DDX31: variants seen among roughly 807,000 people sequenced by gnomAD.
DDX31 encodes the protein ATP-dependent DNA helicase DDX31.
In DDX31, 70 loss-of-function variants were observed where a neutral mutation model predicts 91.3. The observed-to-expected ratio is 0.77, with a 90% CI of 0.63 to 0.94. The LOEUF (loss-of-function observed/expected upper bound fraction) is 0.94, where lower values mean the gene tolerates loss of function less well. Ranked by LOEUF, DDX31 falls within the 40% of genes least tolerant of loss-of-function variation. DDX31 has a pLI of 0.00. For synonymous variants in DDX31, 362 were observed against 350.6 expected (o/e 1.03, Z -0.36); for missense variants, 902 against 925.0 (o/e 0.98, Z 0.32).
intron 5 of DDX31, 148 bp downstream of exon 5, chr9:132,659,562 A>G (rs1564337434): frequency 4.5e-6 from 3 of 669,322 alleles, no homozygotes; most frequent in Non-Finnish European, 7.8e-6. Context: ...ATGTGAACAC[A>G]TTCAGGGCTC....
At chr9:132,626,788 T>C (rs1451338092) in intron 16 of DDX31, among the ~76,000 whole-genome samples, 2 of 152,084 alleles carry the variant, frequency 1.3e-5, no homozygotes, top group African/African-American at 2.4e-5. Flanking sequence ...TTACCTGAAA[T>C]GTGTCATCTC....
At chr9:132,596,447 A>G (rs1172143558) in intron 19 of DDX31, among the ~76,000 whole-genome samples, 4 of 152,240 alleles carry the variant, frequency 2.6e-5, no homozygotes, top group Non-Finnish European at 4.4e-5. Context: ...CAATGAACAG[A>G]TAACATTTAA....
At chr9:132,596,404 C>T (rs545002120) in intron 19 of DDX31, among the ~76,000 whole-genome samples, 5 of 152,290 alleles carry the variant, frequency 3.3e-5, no homozygotes, top group Non-Finnish European at 5.9e-5. Context: ...TCAAGCCAAC[C>T]TCTGCAGGAA....
At chr9:132,608,307 G>C (rs991645403) in intron 19 of DDX31, among the ~76,000 whole-genome samples, 1 of 152,198 alleles carries the variant, frequency 6.6e-6, no homozygotes, top group South Asian at 2.1e-4. Flanking sequence ...ATTTCTATGT[G>C]TAGGGGAAGA....
intron 19 of DDX31, among the ~76,000 whole-genome samples, chr9:132,606,414 G>A (rs988738543): frequency 3.2e-4 from 48 of 152,298 alleles, no homozygotes; most frequent in African/African-American, 8.4e-4. Context: ...TGTTTCCAAG[G>A]TTGTTCCTGA....
intron 6 of DDX31, among the ~76,000 whole-genome samples, chr9:132,656,653 C>A (rs1355002150): frequency 6.6e-6 from 1 of 152,126 alleles, no homozygotes; most frequent in African/African-American, 2.4e-5. Context: ...GCACAGCTGC[C>A]CACCACACCA....
At chr9:132,620,782 TGA>T (rs1394923902) in intron 17 of DDX31, among the ~76,000 whole-genome samples, 1 of 152,154 alleles carries the variant, frequency 6.6e-6, no homozygotes, top group Non-Finnish European at 1.5e-5. Context: ...GCTCCTATAA[TGA>T]GAGCGGGTCA....
At chr9:132,640,627 G>A (rs1490238765) in intron 14 of DDX31, among the ~76,000 whole-genome samples, 1 of 152,142 alleles carries the variant, frequency 6.6e-6, no homozygotes, top group African/African-American at 2.4e-5. Flanking sequence ...CTCCTGAGTA[G>A]TTGGAACTAT....
chr9:132,621,923 T>C (rs1230134318), intron 17 of DDX31, among the ~76,000 whole-genome samples: 1 of 151,150 alleles, frequency 6.6e-6, no homozygotes, highest in Non-Finnish European at 1.5e-5. Flanking sequence ...ACCTACAACG[T>C]AGGATGGTTA....
chr9:132,618,029 A>G (rs144290657), intron 18 of DDX31, among the ~76,000 whole-genome samples: 4 of 152,352 alleles, frequency 2.6e-5, no homozygotes, highest in African/African-American at 9.6e-5. Flanking sequence ...GTTTTCAAAG[A>G]AAGAGGAAAA....
At chr9:132,663,008 A>G (rs1835078803) in intron 1 of DDX31, among the ~76,000 whole-genome samples, 1 of 152,214 alleles carries the variant, frequency 6.6e-6, no homozygotes, top group Non-Finnish European at 1.5e-5. Context: ...AATGTTAACT[A>G]ATGGAGTCTG....
At chr9:132,657,105 C>G (rs1413851828) in intron 6 of DDX31, among the ~76,000 whole-genome samples, 1 of 152,124 alleles carries the variant, frequency 6.6e-6, no homozygotes, top group Non-Finnish European at 1.5e-5. Flanking sequence ...GTAACCTGCC[C>G]TTTTTCAAGT....
chr9:132,624,668 G>A (rs757263536), intron 17 of DDX31, among the ~76,000 whole-genome samples: 6 of 152,012 alleles, frequency 3.9e-5, no homozygotes, highest in East Asian at 1.9e-4. Flanking sequence ...CCAACTTCTC[G>A]GATTGCTATA....
At chr9:132,663,343 C>T in intron 1 of DDX31, 4 of 1,286,618 alleles carry the variant, frequency 3.1e-6, no homozygotes, top group Non-Finnish European at 4.1e-6. Flanking sequence ...GCTGCTCCAT[C>T]CATCACCTCT....
chr9:132,665,831 T>C (rs1361244686), intron 1 of DDX31, among the ~76,000 whole-genome samples: 1 of 152,214 alleles, frequency 6.6e-6, no homozygotes, highest in Non-Finnish European at 1.5e-5. Context: ...GGTACTGTTA[T>C]CATCTCATTT....
rs1311078237 is a variant in DDX31, at chr9:132,669,881, A to G, written c.54T>C (p.Arg18=). The part of the protein sequence containing the change: ...LFDNPRTFSR[R]PPAQASRQAK... ...TCACCCGACTCGCCTGGGCTGGGGG[A>G]CGTCTGGAGAACGTCCTGGGGTTGT... is the stretch of plus-strand genomic sequence containing the variant. The change falls in exon 1 of 20, where the codon CGT becomes CGC. Residue 18 remains arginine (R), a synonymous_variant. Transcript: ENST00000372159. 6.3e-7 allele frequency: 1 copy of G among 1,592,832 alleles called. No homozygotes were observed. Among genetic ancestry groups the G allele is most frequent in the Non-Finnish European group, 8.5e-7 (1 of 1,170,988 alleles).
chr9:132,668,649 G>A (rs1426461153), intron 1 of DDX31, among the ~76,000 whole-genome samples: 1 of 150,786 alleles, frequency 6.6e-6, no homozygotes, highest in Admixed American at 6.6e-5. Flanking sequence ...CTCACTGCAA[G>A]CTCCGCCTCC....
chr9:132,661,501 G>A (rs111891489), intron 3 of DDX31, among the ~76,000 whole-genome samples: 10 of 152,068 alleles, frequency 6.6e-5, no homozygotes, highest in Non-Finnish European at 1.3e-4. Context: ...GGCATCTAGT[G>A]GGTAGAGGCC....
In DDX31 at chr9:132,595,704, C is replaced by T. The variant is rs2119717; in HGVS notation, c.1995-592G>A. On this transcript the variant is annotated intron_variant, in intron 19 of 19. Transcript: ENST00000372159. This position sits in a 1 kb window ranked among gnomAD's most constrained non-coding sequence, Gnocchi z 4.6. ...TATTTCTGACCCTACAAAACCCAAA[C>T]CCAGGGCACAGCCTGGTCAATGTCT... 6.1e-3 allele frequency among the ~76,000 whole-genome samples: 925 copies of T among 152,300 alleles called. 25 individuals carry two copies. The highest frequency in any genetic ancestry group is 0.054 in the Admixed American group (830 of 15,304).
Sources: gnomAD v4.1 joint callset for allele counts (sites outside exome capture counted in the v4.1 genomes callset) on GRCh38, gnomAD v4.1.1 for gene constraint, Gnocchi (gnomAD v3.1) non-coding constraint, MANE v1.5 for transcripts, NCBI Gene and HGNC (gene_info 2026-07-23, HGNC 2026-07-21) for gene names.